Variants in CSMD2 observed in about 807,000 individuals in gnomAD.
The protein encoded by CSMD2 is CUB and Sushi multiple domains 2.
In CSMD2, 130 loss-of-function variants were observed where a neutral mutation model predicts 398.5. That is an observed-to-expected ratio of 0.33 (90% CI 0.28 to 0.38). The LOEUF (loss-of-function observed/expected upper bound fraction) is 0.38, where lower values mean the gene tolerates loss of function less well. CSMD2 is among the 10% of genes least tolerant of loss of function. The pLI, the probability that CSMD2 is intolerant of heterozygous loss-of-function variation, is 1.00. For missense variants in CSMD2, 3,829 were observed against 4,764.9 expected (o/e 0.80, Z 5.78); for synonymous variants, 1,828 against 1,908.5 (o/e 0.96, Z 1.10).
Position 33,866,116 on chromosome 1 carries a change from A to G in CSMD2, c.921-19120T>C, listed in dbSNP as rs148887662. On this transcript the variant is annotated intron_variant, in intron 5 of 70. Coordinates refer to ENST00000373381, the MANE Select transcript of CSMD2 (RefSeq NM_001281956.2). ...CTACTGCGCTGAACAGTAAAAATAC[A>G]TATTTTTGAACAGTCTTTTAGAACT... is the stretch of plus-strand genomic sequence containing the variant. Among the ~76,000 whole-genome samples, 420 of 152,314 alleles carry G rather than the reference A, an allele frequency of 2.8e-3. 3 individuals carry two copies. The highest frequency in any genetic ancestry group is 9.5e-3 in the African/African-American group (393 of 41,574).
At chr1:33,667,847 C>T (rs1175696228) in intron 25 of CSMD2, among the ~76,000 whole-genome samples, 1 of 152,186 alleles carries the variant, frequency 6.6e-6, no homozygotes, top group Non-Finnish European at 1.5e-5. Context: ...CACTCATTCA[C>T]TTAAGCGCCT....
rs150919740 is a variant in CSMD2 at position 33,911,773 on chromosome 1, C to G, written c.920+6321G>C. ...ATCTGGGAAGTCCAGACAGATAGAG[C>G]AGGCATCCTATTCTTCTGCAGGTGG... On this transcript the variant is annotated intron_variant, in intron 5 of 70. Transcript: ENST00000373381. Among the ~76,000 whole-genome samples, 8 of 152,336 alleles carry G rather than the reference C, an allele frequency of 5.3e-5. No individual in the cohort carries two copies. In the East Asian group the frequency reaches 1.5e-3, roughly 29 times the overall value.
intron 14 of CSMD2, among the ~76,000 whole-genome samples, chr1:33,740,097 G>C (rs1211699568): frequency 6.6e-6 from 1 of 152,198 alleles, no homozygotes; most frequent in Non-Finnish European, 1.5e-5. Context: ...AATGAAAGTT[G>C]ATGTGAATAT....
At chr1:34,016,043 G>GTGTGTA (rs1553281940) in intron 3 of CSMD2, among the ~76,000 whole-genome samples, 1 of 149,732 alleles carries the variant, frequency 6.7e-6, no homozygotes, top group African/African-American at 2.5e-5. Flanking sequence ...GTGTGTGTGT[G>GTGTGTA]TATGTGTGTA....
chr1:33,700,418 G>C, intron 23 of CSMD2, 99 bp downstream of exon 23: 5 of 1,314,596 alleles, frequency 3.8e-6, no homozygotes, highest in Middle Eastern at 3.7e-4. Flanking sequence ...AGTCTTAAGA[G>C]CACATTCTTT....
intron 10 of CSMD2, among the ~76,000 whole-genome samples, chr1:33,804,154 G>C (rs1005433435): frequency 2.0e-5 from 3 of 152,214 alleles, no homozygotes; most frequent in African/African-American, 4.8e-5. Flanking sequence ...AGACAGCTTA[G>C]CTTAGAGCTT....
chr1:33,620,677 ATT>A (rs974833226), intron 37 of CSMD2, among the ~76,000 whole-genome samples: 2 of 152,028 alleles, frequency 1.3e-5, no homozygotes, highest in African/African-American at 4.8e-5. Context: ...AAAAAATGTG[ATT>A]TAGTCGAGAA....
At chr1:33,544,922 C>T (rs1457122569) in intron 57 of CSMD2, among the ~76,000 whole-genome samples, 1 of 151,590 alleles carries the variant, frequency 6.6e-6, no homozygotes, top group African/African-American at 2.4e-5. Flanking sequence ...TCTTAGTTGC[C>T]TGTCAAATCT....
At chr1:33,845,826 GC>G (rs1224760826) in intron 6 of CSMD2, among the ~76,000 whole-genome samples, 1 of 152,204 alleles carries the variant, frequency 6.6e-6, no homozygotes, top group East Asian at 1.9e-4. Context: ...CCAGTTTCCA[GC>G]CAGAAAGCCT....
intron 3 of CSMD2, among the ~76,000 whole-genome samples, chr1:33,953,329 A>AT (rs144470081): frequency 0.019 from 2,862 of 152,252 alleles, 78 homozygotes; most frequent in African/African-American, 0.066. Flanking sequence ...ATGAATTTAA[A>AT]TTTGCAGAGC....
At chr1:33,865,632 G>A (rs1639975308) in intron 5 of CSMD2, among the ~76,000 whole-genome samples, 1 of 152,084 alleles carries the variant, frequency 6.6e-6, no homozygotes, top group South Asian at 2.1e-4. Flanking sequence ...CCTGTGTAAG[G>A]AGTCCTGGGG....
At chr1:34,016,337 A>G (rs1648110481) in intron 3 of CSMD2, among the ~76,000 whole-genome samples, 1 of 150,508 alleles carries the variant, frequency 6.6e-6, no homozygotes, top group Non-Finnish European at 1.5e-5. Flanking sequence ...CTAGAGTGTG[A>G]TGTTTGCCTC....
At chr1:33,923,152 T>C (rs1023886198) in intron 4 of CSMD2, among the ~76,000 whole-genome samples, 1 of 152,142 alleles carries the variant, frequency 6.6e-6, no homozygotes, top group Admixed American at 6.5e-5. Context: ...TTGACATGCA[T>C]AGTAGGTGAT....
At chr1:33,662,458 T>C (rs1478119403) in intron 26 of CSMD2, among the ~76,000 whole-genome samples, 2 of 152,174 alleles carry the variant, frequency 1.3e-5, no homozygotes, top group African/African-American at 2.4e-5. Flanking sequence ...CTTTTCTCTC[T>C]TTTCCATCTA....
chr1:34,160,502 A>G (rs1333943917), intron 1 of CSMD2, among the ~76,000 whole-genome samples: 4 of 152,132 alleles, frequency 2.6e-5, no homozygotes, highest in Non-Finnish European at 5.9e-5. Flanking sequence ...TGTCTTTGTC[A>G]TCTTATTACC....
At chr1:33,612,241 G>C (rs1035882413) in intron 40 of CSMD2, among the ~76,000 whole-genome samples, 1 of 152,106 alleles carries the variant, frequency 6.6e-6, no homozygotes, top group African/African-American at 2.4e-5. Context: ...TTTTAAAATT[G>C]GCTTATCTGT....
intron 26 of CSMD2, among the ~76,000 whole-genome samples, chr1:33,659,289 C>T (rs943747484): frequency 1.3e-5 from 2 of 152,010 alleles, no homozygotes; most frequent in African/African-American, 2.4e-5. Context: ...GAAAACACAC[C>T]GGAGGAATGG....
intron 25 of CSMD2, among the ~76,000 whole-genome samples, chr1:33,679,539 C>T (rs1441539849): frequency 6.6e-6 from 1 of 152,144 alleles, no homozygotes; most frequent in Admixed American, 6.5e-5. Flanking sequence ...GGTGACCTTG[C>T]AGAGCCTCAA....
intron 51 of CSMD2, 79 bp from the exon 52 acceptor site, chr1:33,569,626 CA>C (rs1384749189): frequency 1.9e-5 from 27 of 1,408,832 alleles, no homozygotes; most frequent in Admixed American, 4.0e-5. Context: ...AGAACTGTGA[CA>C]AAAATAAGAC....
Sources: allele counts gnomAD v4.1 joint callset (sites outside exome capture counted in the v4.1 genomes callset), GRCh38; gene constraint gnomAD v4.1.1; transcripts MANE v1.5; gene names NCBI Gene and HGNC (gene_info 2026-07-23, HGNC 2026-07-21).